Variants in PRKG1 observed in about 807,000 individuals in gnomAD.
PRKG1 encodes protein kinase cGMP-dependent 1, also known as cGMP-dependent protein kinase 1.
Under a neutral mutation model 88.1 loss-of-function variants are expected in PRKG1, and 35 were observed. The observed-to-expected ratio is 0.40, with a 90% CI of 0.30 to 0.53. The LOEUF is 0.53. PRKG1 is among the 20% of genes least tolerant of loss of function. The pLI, the probability that PRKG1 is intolerant of heterozygous loss-of-function variation, is 0.59. For synonymous variants in PRKG1, 303 were observed against 292.5 expected (o/e 1.04, Z -0.37); for missense variants, 540 against 839.8 (o/e 0.64, Z 4.41).
intron 2 of PRKG1, among the ~76,000 whole-genome samples, chr10:51,404,759 G>A (rs1333545675): frequency 6.6e-6 from 1 of 152,186 alleles, no homozygotes; most frequent in Non-Finnish European, 1.5e-5. Flanking sequence ...TGGAGGATGA[G>A]GGACTTATTA....
intron 5 of PRKG1, chr10:51,907,776 T>C: frequency 2.3e-6 from 1 of 435,552 alleles, no homozygotes; most frequent in South Asian, 6.0e-5. Flanking sequence ...ATCAACCTAA[T>C]TATAGAGGGA....
At chr10:51,019,321 T>TCC (rs1465394070) in intron 1 of PRKG1, among the ~76,000 whole-genome samples, 2 of 152,120 alleles carry the variant, frequency 1.3e-5, no homozygotes, top group Non-Finnish European at 2.9e-5. Context: ...TAGAATAGAT[T>TCC]AGGGAGGCCG....
At chr10:51,773,887 A>C (rs1838368576) in intron 3 of PRKG1, among the ~76,000 whole-genome samples, 1 of 152,058 alleles carries the variant, frequency 6.6e-6, no homozygotes, top group Admixed American at 6.6e-5. Flanking sequence ...GTTCCCAGCA[A>C]CTATGTCATT....
At chr10:51,486,920 T>C (rs981266455) in intron 3 of PRKG1, among the ~76,000 whole-genome samples, 1 of 152,060 alleles carries the variant, frequency 6.6e-6, no homozygotes, top group African/African-American at 2.4e-5. Flanking sequence ...CTTCAAGAGG[T>C]GATCTGTTGT....
intron 5 of PRKG1, among the ~76,000 whole-genome samples, chr10:51,914,507 A>G (rs1309128261): frequency 1.3e-5 from 2 of 152,198 alleles, no homozygotes; most frequent in Non-Finnish European, 2.9e-5. Context: ...CCATTCCTTT[A>G]TCTATGTGAA....
intron 3 of PRKG1, among the ~76,000 whole-genome samples, chr10:51,607,549 A>C (rs909953201): frequency 1.3e-5 from 2 of 152,162 alleles, no homozygotes; most frequent in Non-Finnish European, 2.9e-5. Context: ...CCTGTCTCTC[A>C]TTCCCATGTC....
intron 4 of PRKG1, among the ~76,000 whole-genome samples, chr10:51,888,825 G>T (rs1841639329): frequency 6.6e-6 from 1 of 151,974 alleles, no homozygotes; most frequent in South Asian, 2.1e-4. Context: ...ATAATCTAAA[G>T]AATTATTGAA....
At chr10:51,326,051 AAG>A (rs1233940017) in intron 2 of PRKG1, among the ~76,000 whole-genome samples, 2 of 152,218 alleles carry the variant, frequency 1.3e-5, no homozygotes, top group Non-Finnish European at 2.9e-5. Flanking sequence ...GTCACATGTC[AAG>A]AGTTTCCCAC....
intron 2 of PRKG1, among the ~76,000 whole-genome samples, chr10:51,466,353 T>A (rs1359208856): frequency 2.0e-5 from 3 of 152,020 alleles, no homozygotes; most frequent in African/African-American, 7.2e-5. Flanking sequence ...ACCTTTTGAG[T>A]TGTTGAATTT....
intron 2 of PRKG1, among the ~76,000 whole-genome samples, chr10:51,334,152 T>TTCTCTCTCTCTCTCTCTC (rs10568175): frequency 2.5e-4 from 34 of 137,192 alleles, no homozygotes; most frequent in South Asian, 4.8e-4. Context: ...CTCTCTCTCT[T>TTCTCTCTCTCTCTCTCTC]TCTCTCTCTC....
chr10:51,613,424 G>C (rs969862976), intron 3 of PRKG1, among the ~76,000 whole-genome samples: 1 of 151,640 alleles, frequency 6.6e-6, no homozygotes, highest in African/African-American at 2.4e-5. Context: ...GGTTGATCTA[G>C]CTAGTGGTTT....
chr10:51,330,936 ACAG>A (rs1372783967), intron 2 of PRKG1, among the ~76,000 whole-genome samples: 1 of 152,144 alleles, frequency 6.6e-6, no homozygotes, highest in Admixed American at 6.5e-5. Context: ...TGTGGCAGGT[ACAG>A]CACTGAGGTG....
At chr10:51,845,814 A>G (rs868568443) in intron 4 of PRKG1, among the ~76,000 whole-genome samples, 7 of 152,124 alleles carry the variant, frequency 4.6e-5, no homozygotes, top group Non-Finnish European at 1.0e-4. Flanking sequence ...ACTACCTTCA[A>G]TATACATAAT....
chr10:52,138,390 T>A (rs1379660048), intron 8 of PRKG1, among the ~76,000 whole-genome samples: 1 of 152,126 alleles, frequency 6.6e-6, no homozygotes, highest in Non-Finnish European at 1.5e-5. Context: ...TTTTCATGCT[T>A]TTGCTTTACC....
chr10:51,103,479 A>G (rs1320330481), intron 1 of PRKG1, among the ~76,000 whole-genome samples: 1 of 152,230 alleles, frequency 6.6e-6, no homozygotes. Flanking sequence ...TTCCCAACAT[A>G]GAATTCCGAG....
chr10:51,818,554 A>C (rs1839652933), intron 4 of PRKG1, among the ~76,000 whole-genome samples: 1 of 152,150 alleles, frequency 6.6e-6, no homozygotes, highest in African/African-American at 2.4e-5. Context: ...TTTTTGTATA[A>C]ATTTCACAAC....
intron 7 of PRKG1, among the ~76,000 whole-genome samples, chr10:52,077,195 A>G (rs1408625773): frequency 3.9e-5 from 6 of 152,208 alleles, no homozygotes; most frequent in Non-Finnish European, 7.4e-5. Context: ...CAATGGTGCT[A>G]GAGCCATGCA....
At chr10:51,872,884 G>A (rs1280700146) in intron 4 of PRKG1, among the ~76,000 whole-genome samples, 1 of 151,892 alleles carries the variant, frequency 6.6e-6, no homozygotes, top group African/African-American at 2.4e-5. Context: ...TAGGTTCAGA[G>A]CCTAGTTCTA....
intron 9 of PRKG1, 128 bp downstream of exon 9, chr10:52,162,091 A>T: frequency 2.7e-6 from 2 of 753,656 alleles, no homozygotes; most frequent in Non-Finnish European, 4.3e-6. Flanking sequence ...AGAGACAAAG[A>T]AGCAAACTCT....
Sources: allele counts gnomAD v4.1 joint callset (sites outside exome capture counted in the v4.1 genomes callset), GRCh38; gene constraint gnomAD v4.1.1; transcripts MANE v1.5; gene names NCBI Gene and HGNC (gene_info 2026-07-23, HGNC 2026-07-21).